The following RBFOX1 variants were observed in gnomAD, a reference collection of about 807,000 sequenced individuals.
The protein encoded by RBFOX1 is RNA binding fox-1 homolog 1.
A neutral mutation model predicts 57.7 loss-of-function variants in RBFOX1; 8 were observed. The observed-to-expected ratio is 0.14, with a 90% CI of 0.08 to 0.25. The LOEUF (loss-of-function observed/expected upper bound fraction) is 0.25. Among genes scored for constraint, RBFOX1 ranks in the 10% least tolerant of loss-of-function variants. The probability of loss-of-function intolerance (pLI) is 1.00; values close to 1 mark genes in which losing one functional copy is unlikely to be tolerated. For synonymous variants in RBFOX1, 326 were observed against 222.4 expected, an observed-to-expected ratio of 1.47 and a Z score of -4.15; for missense variants, 611 against 548.5, an observed-to-expected ratio of 1.11 and a Z score of -1.14.
rs73534634 is a variant in RBFOX1, at chr16:6,829,776, A to G, written c.-16+175126A>G. Among the ~76,000 whole-genome samples the G allele has an allele frequency of 2.0e-3, 298 of 151,958 alleles. 1 individual carries two copies. Among genetic ancestry groups the G allele is most frequent in the African/African-American group, 6.9e-3 (287 of 41,518 alleles). The stretch of plus-strand genomic sequence containing the variant: ...GCCACAACACCCAGCTAATTTTTGC[A>G]TTTGTAGTAGAAATAGGATTTCGCC... On this transcript the variant is annotated intron_variant, in intron 3 of 15. Coordinates refer to ENST00000550418, the MANE Select transcript of RBFOX1 (RefSeq NM_018723.4).
At chr16:6,736,293 C>G (rs894295023) in intron 3 of RBFOX1, among the ~76,000 whole-genome samples, 3 of 152,024 alleles carry the variant, frequency 2.0e-5, no homozygotes, top group East Asian at 1.9e-4. Context: ...ATCATATTGT[C>G]TTTTATCCCT....
At chr16:5,657,622 C>CTCTTTCTTTCTTTCTT (rs913576502) in intron 3 of RBFOX1, among the ~76,000 whole-genome samples, 1 of 102,996 alleles carries the variant, frequency 9.7e-6, no homozygotes, top group African/African-American at 4.4e-5. Flanking sequence ...CTTTCTTTCT[C>CTCTTTCTTTCTTTCTT]TCTTTCTTTC....
At chr16:7,182,463 G>T (rs776206281) in intron 4 of RBFOX1, among the ~76,000 whole-genome samples, 6 of 152,146 alleles carry the variant, frequency 3.9e-5, no homozygotes, top group African/African-American at 9.7e-5. Flanking sequence ...CTGAATTTCT[G>T]TTGTCTGTTC....
At chr16:5,992,427 G>A (rs1183376582) in intron 4 of RBFOX1, among the ~76,000 whole-genome samples, 1 of 152,212 alleles carries the variant, frequency 6.6e-6, no homozygotes, top group Admixed American at 6.5e-5. Flanking sequence ...ACTCAGTACT[G>A]TGTAGAATGA....
At chr16:7,157,472 C>A (rs1004035432) in intron 4 of RBFOX1, among the ~76,000 whole-genome samples, 1 of 151,962 alleles carries the variant, frequency 6.6e-6, no homozygotes, top group African/African-American at 2.4e-5. Flanking sequence ...TGCAATTCTG[C>A]CCTGGAATTT....
chr16:6,403,663 A>G (rs2093167465), intron 2 of RBFOX1, among the ~76,000 whole-genome samples: 1 of 152,070 alleles, frequency 6.6e-6, no homozygotes, highest in Non-Finnish European at 1.5e-5. Flanking sequence ...CATCAGAGAC[A>G]CTTCTGATGA....
intron 2 of RBFOX1, among the ~76,000 whole-genome samples, chr16:5,540,976 A>G (rs906653768): frequency 1.3e-5 from 2 of 152,092 alleles, no homozygotes; most frequent in Non-Finnish European, 2.9e-5. Flanking sequence ...CAGCGTCCTG[A>G]GTAGCTGGGA....
intron 3 of RBFOX1, among the ~76,000 whole-genome samples, chr16:6,702,688 C>G (rs564531363): frequency 6.6e-6 from 1 of 152,174 alleles, no homozygotes; most frequent in African/African-American, 2.4e-5. Context: ...CAATAAAATC[C>G]TGTACGGCAG....
chr16:7,090,500 C>T (rs1599190012), intron 4 of RBFOX1, among the ~76,000 whole-genome samples: 1 of 152,030 alleles, frequency 6.6e-6, no homozygotes, highest in Non-Finnish European at 1.5e-5. Context: ...ATAGTGTGGC[C>T]CCATTAAGCC....
At position 6,056,584 on chromosome 16, in the gene RBFOX1, C is replaced by G. The variant is rs188315743; in HGVS notation, c.-127+36592C>G. Among the ~76,000 whole-genome samples, 490 of 152,272 alleles carry G rather than the reference C, an allele frequency of 3.2e-3. 1 individual carries two copies. The highest frequency in any genetic ancestry group is 0.011 in the African/African-American group (464 of 41,552). On this transcript the variant is annotated intron_variant, in intron 1 of 15. Transcript: ENST00000550418. ...TCATTCCTTTTTTATTTCTCCTCTG[C>G]TTACTTCCTAATTCCTGGTGGGTCT...
chr16:7,503,342 A>G (rs2071637282), intron 4 of RBFOX1, among the ~76,000 whole-genome samples: 1 of 152,198 alleles, frequency 6.6e-6, no homozygotes, highest in African/African-American at 2.4e-5. Flanking sequence ...TCTTACAAAG[A>G]AAGTTGTGTC....
chr16:5,753,868 A>C (rs553781997), intron 3 of RBFOX1, among the ~76,000 whole-genome samples: 3 of 151,928 alleles, frequency 2.0e-5, no homozygotes, highest in South Asian at 4.2e-4. Context: ...AAAAAAAAAA[A>C]CACAAAAATC....
intron 2 of RBFOX1, among the ~76,000 whole-genome samples, chr16:6,320,919 A>G (rs1038844798): frequency 6.6e-6 from 1 of 151,980 alleles, no homozygotes; most frequent in African/African-American, 2.4e-5. Context: ...TCAGCCTCCC[A>G]AGTAGCTGAG....
chr16:5,364,245 G>A (rs2065640839), intron 1 of RBFOX1, among the ~76,000 whole-genome samples: 1 of 152,212 alleles, frequency 6.6e-6, no homozygotes, highest in African/African-American at 2.4e-5. Context: ...TAACTTGGAT[G>A]TGTGCTGGTT....
At chr16:5,662,543 A>C (rs962196860) in intron 3 of RBFOX1, among the ~76,000 whole-genome samples, 1 of 152,024 alleles carries the variant, frequency 6.6e-6, no homozygotes, top group African/African-American at 2.4e-5. Context: ...TCCCTGAAAG[A>C]GTTCTGGGGA....
At chr16:5,268,997 C>A (rs1160452092) in intron 1 of RBFOX1, among the ~76,000 whole-genome samples, 1 of 152,082 alleles carries the variant, frequency 6.6e-6, no homozygotes, top group African/African-American at 2.4e-5. Flanking sequence ...TCACTGCAAC[C>A]TCTGCCTTCC....
intron 3 of RBFOX1, among the ~76,000 whole-genome samples, chr16:5,784,563 T>A (rs1211248795): frequency 6.6e-6 from 1 of 152,212 alleles, no homozygotes; most frequent in Non-Finnish European, 1.5e-5. Flanking sequence ...CAAGCTGGGA[T>A]GGTGCTAAAC....
At chr16:5,563,382 A>G (rs1460199702) in intron 2 of RBFOX1, among the ~76,000 whole-genome samples, 4 of 152,236 alleles carry the variant, frequency 2.6e-5, no homozygotes, top group African/African-American at 7.2e-5. Flanking sequence ...ACATATCCTC[A>G]TCTTTGCTGA....
chr16:7,469,469 CT>C (rs2061160919), intron 4 of RBFOX1, among the ~76,000 whole-genome samples: 1 of 152,186 alleles, frequency 6.6e-6, no homozygotes, highest in Non-Finnish European at 1.5e-5. Context: ...CAATGGCACG[CT>C]TTTCTTGGGC....
Sources: gnomAD v4.1 joint callset for allele counts (sites outside exome capture counted in the v4.1 genomes callset) on GRCh38, gnomAD v4.1.1 for gene constraint, MANE v1.5 for transcripts, NCBI Gene and HGNC (gene_info 2026-07-23, HGNC 2026-07-21) for gene names.